Variants in RIMS1 observed in about 807,000 individuals in gnomAD.
RIMS1 encodes regulating synaptic membrane exocytosis 1, also known as regulating synaptic membrane exocytosis protein 1.
RIMS1 carries 83 observed loss-of-function variants against 214.1 expected under a neutral mutation model. That is an observed-to-expected ratio of 0.39 (90% CI 0.32 to 0.47). The LOEUF is 0.47. RIMS1 is among the 20% of genes least tolerant of loss of function. The pLI, the probability that RIMS1 is intolerant of heterozygous loss-of-function variation, is 0.99. For missense variants in RIMS1, 2,050 were observed against 2,161.8 expected (o/e 0.95, Z 1.03); for synonymous variants, 793 against 786.8 (o/e 1.01, Z -0.13).
At chr6:72,208,044 A>C (rs976747191) in intron 6 of RIMS1, among the ~76,000 whole-genome samples, 1 of 152,188 alleles carries the variant, frequency 6.6e-6, no homozygotes, top group Admixed American at 6.5e-5. Context: ...TAAGAAGCGG[A>C]AATGGCAATT....
rs371752224 is a variant in RIMS1 at position 72,394,663 on chromosome 6, CAT to C, written c.4618+1855_4618+1856del. ...CAGGTAGAAGTTAGTTATGCATAAA[CAT>C]AACAGGTTTTATAGAACAATTGGGG... On this transcript the variant is annotated intron_variant, in intron 31 of 33. Transcript: ENST00000521978. Among the ~76,000 whole-genome samples the C allele has an allele frequency of 3.5e-3, 535 of 151,974 alleles. 4 individuals carry two copies. The highest frequency in any genetic ancestry group is 0.013 in the African/African-American group (523 of 41,516).
intron 29 of RIMS1, among the ~76,000 whole-genome samples, chr6:72,340,060 G>T (rs1243737514): frequency 3.4e-4 from 52 of 151,806 alleles, no homozygotes; most frequent in African/African-American, 1.1e-3. Flanking sequence ...TTTTCATGTG[G>T]TTTTTGGCTG....
At chr6:71,961,388 C>G (rs1792913478) in intron 1 of RIMS1, among the ~76,000 whole-genome samples, 1 of 151,382 alleles carries the variant, frequency 6.6e-6, no homozygotes, top group Non-Finnish European at 1.5e-5. Context: ...CTTCCACTTC[C>G]CCTTCTCTCC....
chr6:72,367,411 G>A (rs562084891), intron 29 of RIMS1, among the ~76,000 whole-genome samples: 4 of 152,146 alleles, frequency 2.6e-5, no homozygotes, highest in South Asian at 2.1e-4. Flanking sequence ...TTCTATTTAG[G>A]CTTCCTAAAT....
chr6:72,364,704 G>C (rs1190460898), intron 29 of RIMS1, among the ~76,000 whole-genome samples: 1 of 152,146 alleles, frequency 6.6e-6, no homozygotes, highest in African/African-American at 2.4e-5. Flanking sequence ...TATTGATTGT[G>C]GGGAAATGAG....
chr6:72,017,909 A>G (rs1476625803), intron 2 of RIMS1, among the ~76,000 whole-genome samples: 2 of 152,198 alleles, frequency 1.3e-5, no homozygotes, highest in African/African-American at 4.8e-5. Context: ...CTGTGCCTGG[A>G]TCACTGGGGA....
intron 1 of RIMS1, among the ~76,000 whole-genome samples, chr6:71,907,191 C>T (rs1011059811): frequency 6.6e-6 from 1 of 152,162 alleles, no homozygotes; most frequent in Non-Finnish European, 1.5e-5. Flanking sequence ...GATTTAATTC[C>T]TCACATTTGT....
intron 1 of RIMS1, among the ~76,000 whole-genome samples, chr6:71,931,325 C>G (rs561087738): frequency 6.6e-6 from 1 of 151,916 alleles, no homozygotes; most frequent in East Asian, 1.9e-4. Flanking sequence ...AGATTTGACC[C>G]GAAGAAACAC....
At chr6:72,099,914 T>C (rs1187980457) in intron 3 of RIMS1, 61 bp from the exon 4 acceptor site, 1 of 1,411,364 alleles carries the variant, frequency 7.1e-7, no homozygotes, top group South Asian at 1.2e-5. Flanking sequence ...CATGGCTCAA[T>C]TTTGTTTTTC....
At chr6:72,125,837 G>A (rs143811857) in intron 4 of RIMS1, among the ~76,000 whole-genome samples, 126 of 152,284 alleles carry the variant, frequency 8.3e-4, no homozygotes, top group South Asian at 4.1e-3. Context: ...TGCTAAGACC[G>A]TTGGAAAAGT....
intron 6 of RIMS1, among the ~76,000 whole-genome samples, chr6:72,214,099 A>G (rs1305155188): frequency 6.6e-6 from 1 of 152,204 alleles, no homozygotes; most frequent in African/African-American, 2.4e-5. Context: ...GAAAGCTCAT[A>G]GTATGTGGTA....
intron 29 of RIMS1, among the ~76,000 whole-genome samples, chr6:72,370,604 C>G (rs1240917763): frequency 1.3e-5 from 2 of 152,118 alleles, no homozygotes; most frequent in Non-Finnish European, 2.9e-5. Flanking sequence ...CCTCCCCCAC[C>G]AGGTTGTAAG....
At chr6:72,205,301 A>G (rs2052710915) in intron 6 of RIMS1, among the ~76,000 whole-genome samples, 1 of 152,182 alleles carries the variant, frequency 6.6e-6, no homozygotes, top group Non-Finnish European at 1.5e-5. Flanking sequence ...TAACATCAAT[A>G]ATAATAGTGA....
intron 29 of RIMS1, 142 bp downstream of exon 29, chr6:72,333,977 C>A: frequency 1.5e-6 from 1 of 657,820 alleles, no homozygotes; most frequent in African/African-American, 1.8e-5. Flanking sequence ...CTCTGAAAAT[C>A]TGCTAAATTT....
chr6:72,047,425 G>A (rs1823378917), intron 2 of RIMS1, among the ~76,000 whole-genome samples: 1 of 152,100 alleles, frequency 6.6e-6, no homozygotes, highest in African/African-American at 2.4e-5. Flanking sequence ...GATCACATTA[G>A]ACATTGCTGA....
intron 26 of RIMS1, 121 bp downstream of exon 26, chr6:72,292,167 T>G: frequency 4.5e-6 from 3 of 660,158 alleles, no homozygotes; most frequent in Non-Finnish European, 7.5e-6. Context: ...TCCTAAAAAT[T>G]TGATTTTCTT....
chr6:71,941,365 G>A (rs553908126), intron 1 of RIMS1, among the ~76,000 whole-genome samples: 3 of 152,168 alleles, frequency 2.0e-5, no homozygotes, highest in African/African-American at 4.8e-5. Flanking sequence ...TACAAAAGTG[G>A]CAATCATAAT....
intron 2 of RIMS1, among the ~76,000 whole-genome samples, chr6:72,032,476 T>A (rs1026271283): frequency 7.9e-5 from 12 of 152,118 alleles, no homozygotes; most frequent in Non-Finnish European, 1.3e-4. Context: ...GAATGGTATC[T>A]GGGAGAGAAG....
rs564207702 is a variant in RIMS1 at position 72,316,096 on chromosome 6, CA to C, written c.4130+2433del. 4.3e-3 allele frequency among the ~76,000 whole-genome samples: 640 copies of C among 150,560 alleles called. 6 individuals are homozygous for C. Among genetic ancestry groups the C allele is most frequent in the African/African-American group, 0.015 (601 of 41,034 alleles). On this transcript the variant is annotated intron_variant, in intron 28 of 33. Transcript: ENST00000521978. ...TATCTTCTTTTTAAAACAAACAAAACAAAAAAAAACATTGTAAATTCCTGTT... is the reference window on the plus strand; with the variant it reads ...TATCTTCTTTTTAAAACAAACAAAACAAAAAAAACATTGTAAATTCCTGTT...
Sources: gnomAD v4.1 joint callset for allele counts (sites outside exome capture counted in the v4.1 genomes callset) on GRCh38, gnomAD v4.1.1 for gene constraint, MANE v1.5 for transcripts, NCBI Gene and HGNC (gene_info 2026-07-23, HGNC 2026-07-21) for gene names.